Variants in ZNF185 observed in about 807,000 individuals in gnomAD.
ZNF185 encodes zinc finger protein 185 with LIM domain.
A neutral mutation model predicts 58.6 loss-of-function variants in ZNF185; 56 were observed. The observed-to-expected ratio is 0.95, with a 90% CI of 0.77 to 1.19. The LOEUF (loss-of-function observed/expected upper bound fraction) is 1.19. Ranked by LOEUF, ZNF185 falls within the 50% of genes most tolerant of loss-of-function variation. The probability of loss-of-function intolerance (pLI) is 0.00; values close to 1 mark genes in which losing one functional copy is unlikely to be tolerated. For missense variants in ZNF185, 627 were observed against 573.5 expected (o/e 1.09, Z -0.95); for synonymous variants, 230 against 215.9 (o/e 1.07, Z -0.57).
intron 1 of ZNF185, 49 bp downstream of exon 2, chrX:152,914,572 C>T (rs368009459): frequency 1.2e-5 from 14 of 1,147,799 alleles, no homozygotes; most frequent in Middle Eastern, 4.8e-4. Flanking sequence ...GGGCTGTTTG[C>T]TTCCAAGCCT....
chrX:152,904,376 T>C, the ZNF185 span, among the ~76,000 whole-genome samples: 1 of 112,606 alleles, frequency 8.9e-6, no homozygotes, highest in Non-Finnish European at 1.9e-5. Flanking sequence ...GCTGCAGCGG[T>C]GCCTGTGGCG....
At chrX:152,945,367 G>A in exon 16 of ZNF185, 1 of 1,205,912 alleles carries the variant, frequency 8.3e-7, no homozygotes, top group African/African-American at 1.7e-5. Context: ...AGACCCAGCT[G>A]TACCCGCTCA....
chrX:152,937,376 G>A (rs186014489), intron 14 of ZNF185, among the ~76,000 whole-genome samples: 41 of 111,785 alleles, frequency 3.7e-4, no homozygotes, highest in Admixed American at 1.9e-3. Flanking sequence ...TGGCCCCTAC[G>A]CACAGCTGCG....
At chrX:152,931,800 A>C in intron 13 of ZNF185, 24 bp downstream of exon 14, 2 of 1,164,884 alleles carry the variant, frequency 1.7e-6, no homozygotes, top group African/African-American at 1.8e-5. Flanking sequence ...GGAAGCAGAC[A>C]CTTCATTCCC....
chrX:152,955,795 G>A (rs2125867407), intron 16 of ZNF185, among the ~76,000 whole-genome samples: 1 of 110,777 alleles, frequency 9.0e-6, no homozygotes, highest in Non-Finnish European at 1.9e-5. Context: ...CCAGCTACTC[G>A]GGAGGCTGAG....
chrX:152,899,176 C>T, the ZNF185 span, among the ~76,000 whole-genome samples: 10 of 112,238 alleles, frequency 8.9e-5, no homozygotes. Flanking sequence ...TCTCACACCC[C>T]ATCCAGCAGT....
chrX:152,936,440 G>A, intron 14 of ZNF185: 1 of 1,166,524 alleles, frequency 8.6e-7, no homozygotes, highest in Non-Finnish European at 1.1e-6. Flanking sequence ...TGCTAGCTTT[G>A]CCTCTTTCCT....
rs782238766 is a variant in ZNF185, at chrX:152,969,422, C to T, written c.1912C>T (p.Arg638Ter). The T allele has an allele frequency of 1.2e-5, 15 of 1,208,506 alleles. No homozygotes were observed. Among genetic ancestry groups the T allele is most frequent in the South Asian group, 3.6e-5 (2 of 56,036 alleles). ...CTGTACTTACTGCAACCGTGAGATC[C>T]GAGACTGTCCAAAGATTACCCTAGA... The change falls in exon 21 of 23, where the codon CGA becomes TGA. Residue 638 changes from arginine to a stop codon, truncating the protein, a stop_gained. Coordinates refer to ENST00000449285, the Ensembl canonical transcript of ZNF185. LOFTEE classifies it high-confidence loss of function.
chrX:152,914,968 G>A (rs1249284454), intron 2 of ZNF185, 135 bp downstream of exon 3: 3 of 1,011,234 alleles, frequency 3.0e-6, no homozygotes, highest in African/African-American at 3.8e-5. Context: ...CAGAGCGTGG[G>A]AAAGGCTATC....
intron 18 of ZNF185, among the ~76,000 whole-genome samples, chrX:152,964,257 G>A (rs868921184): frequency 8.9e-6 from 1 of 112,906 alleles, no homozygotes; most frequent in African/African-American, 3.2e-5. Context: ...GCTCCAGTCC[G>A]TGAAGGCCGG....
chrX:152,941,742 G>C (rs2047220163), intron 15 of ZNF185: 2 of 1,163,971 alleles, frequency 1.7e-6, no homozygotes, highest in Non-Finnish European at 2.3e-6. Context: ...CCTCGGCGGG[G>C]ATTCTCTTGA....
At chrX:152,939,913 G>C (rs1307069462) in intron 15 of ZNF185, among the ~76,000 whole-genome samples, 2 of 107,542 alleles carry the variant, frequency 1.9e-5, no homozygotes, top group Non-Finnish European at 3.8e-5. Context: ...CTCCTAAGTA[G>C]CTGGGATTAC....
chrX:152,953,262 T>C (rs1300938792), intron 16 of ZNF185, among the ~76,000 whole-genome samples: 1 of 111,800 alleles, frequency 8.9e-6, no homozygotes, highest in African/African-American at 3.3e-5. Context: ...GAGTCAGGGG[T>C]TAAATCCCCA....
chrX:152,963,751 C>T lies in ZNF185; in HGVS notation c.1608-88C>T, dbSNP rs1603312545. ...TGGAGGAAGCTTCAAGAGCAGTGCT[C>T]AAGGGTTAGGCTCAGAAAAGCCTGT... On this transcript the variant is annotated intron_variant, in intron 17 of 22. Coordinates refer to ENST00000449285, the Ensembl canonical transcript of ZNF185. The T allele has an allele frequency of 6.0e-6, 5 of 830,666 alleles. No individual in the cohort carries two copies. The East Asian group carries it at 1.7e-4, about 28-fold the overall frequency. 68.5% of individuals were successfully genotyped at this position (830,666 alleles called of 1,213,427 possible). A position where few individuals can be genotyped will look rare whatever the true frequency, so the allele number is the denominator to read the frequency against.
chrX:152,912,661 G>A (rs1227341252), upstream of ZNF185, among the ~76,000 whole-genome samples: 1 of 112,151 alleles, frequency 8.9e-6, no homozygotes, highest in African/African-American at 3.2e-5. Context: ...ATACTAGCTA[G>A]TACAGCCTAG....
At chrX:152,936,354 G>C in intron 14 of ZNF185, 64 bp from the exon 16 acceptor site, 2 of 992,204 alleles carry the variant, frequency 2.0e-6, no homozygotes, top group South Asian at 2.1e-5. Context: ...CCACTTTCTC[G>C]GGAGAGGGTA....
At chrX:152,938,186 T>C (rs1556884511) in intron 15 of ZNF185, 23 bp downstream of exon 17, 7 of 1,160,706 alleles carry the variant, frequency 6.0e-6, no homozygotes, top group Non-Finnish European at 6.9e-6. Context: ...CAGACAGTGC[T>C]GAACTTCTGG....
intron 13 of ZNF185, among the ~76,000 whole-genome samples, chrX:152,932,216 G>T (rs1260949532): frequency 3.6e-5 from 4 of 112,580 alleles, no homozygotes; most frequent in African/African-American, 1.3e-4. Context: ...CAAAGTATGT[G>T]GGCCCCCATA....
At chrX:152,941,975 T>C in intron 15 of ZNF185, 1 of 834,221 alleles carries the variant, frequency 1.2e-6, no homozygotes, top group Non-Finnish European at 1.6e-6. Context: ...GGCCATGGCC[T>C]CTGGGACACT....
Sources: gnomAD v4.1 joint callset for allele counts (sites outside exome capture counted in the v4.1 genomes callset) on GRCh38, gnomAD v4.1.1 for gene constraint, MANE v1.5 for transcripts, NCBI Gene and HGNC (gene_info 2026-07-23, HGNC 2026-07-21) for gene names.